MBD1: variants seen among roughly 807,000 people sequenced by gnomAD.
MBD1 encodes methyl-CpG binding domain protein 1, also known as methyl-CpG-binding domain protein 1.
A neutral mutation model predicts 82.6 loss-of-function variants in MBD1; 25 were observed. The ratio of observed to expected loss-of-function variants is 0.30; its 90% confidence interval spans 0.22 to 0.42. MBD1 has a LOEUF of 0.42. Ranked by LOEUF, MBD1 falls within the 10% of genes least tolerant of loss-of-function variation. MBD1 has a pLI of 1.00. For synonymous variants in MBD1, 301 were observed against 303.7 expected (o/e 0.99, Z 0.09); for missense variants, 627 against 819.6 (o/e 0.76, Z 2.87).
intron 1 of MBD1, chr18:50,281,140 G>C: frequency 6.5e-7 from 1 of 1,531,040 alleles, no homozygotes; most frequent in Non-Finnish European, 8.7e-7. Flanking sequence ...CTCCGTCCTC[G>C]TCCCAGGATC....
chr18:50,275,574 G>A lies in MBD1; in HGVS notation c.792+26C>T. Reference sequence around the variant, plus strand: ...AGCGACGATTTTAACAGCAGAATGAGCTCTGCTCCCTCCAGCCCAACTCAC... The same window carrying A: ...AGCGACGATTTTAACAGCAGAATGAACTCTGCTCCCTCCAGCCCAACTCAC... On this transcript the variant is annotated intron_variant, in intron 8 of 16. Transcript: ENST00000269468. 1.9e-6 allele frequency: 3 copies of A among 1,614,112 alleles called. No individual in the cohort carries two copies. In the South Asian group the frequency reaches 3.3e-5, roughly 18 times the overall value.
intron 10 of MBD1, 152 bp from the exon 11 acceptor site, chr18:50,274,505 T>C (rs954736644): frequency 2.4e-5 from 19 of 805,756 alleles, no homozygotes; most frequent in Non-Finnish European, 3.7e-5. Flanking sequence ...CACTAGTCAC[T>C]CCTCAGCATT....
At position 50,268,895 on chromosome 18, in the gene MBD1, G is replaced by A; in HGVS notation, c.*956C>T. 1.0e-6 allele frequency: 1 copy of A among 983,242 alleles called. No individual in the cohort carries two copies. Among genetic ancestry groups the A allele is most frequent in the Non-Finnish European group, 1.2e-6 (1 of 827,930 alleles). The allele number at this position is 983,242 out of a possible 1,614,324, so 60.9% of individuals were successfully genotyped here. On this transcript the variant is annotated 3_prime_UTR_variant, in exon 17 of 17. Coordinates refer to ENST00000269468, the MANE Select transcript of MBD1 (RefSeq NM_015846.4). Reference sequence around the variant, plus strand: ...AATAATTTTAAAATAGAACAGCTTAGAGATAGAAACTAAATTATTTCCAAT... The same window carrying A: ...AATAATTTTAAAATAGAACAGCTTAAAGATAGAAACTAAATTATTTCCAAT...
chr18:50,272,457 C>A (rs943299796), intron 15 of MBD1: 7 of 608,560 alleles, frequency 1.2e-5, no homozygotes, highest in East Asian at 2.8e-5. Context: ...TTCCCCTACC[C>A]CCAAAGGAGA....
intron 16 of MBD1, chr18:50,270,128 G>A: frequency 6.3e-7 from 1 of 1,598,374 alleles, no homozygotes; most frequent in Non-Finnish European, 8.5e-7. Flanking sequence ...GTCTTGACTA[G>A]GGCTGAACTA....
At chr18:50,268,599 G>A (rs542095749), downstream of MBD1, among the ~76,000 whole-genome samples, 89 of 152,370 alleles carry the variant, frequency 5.8e-4, no homozygotes, top group African/African-American at 2.1e-3. Context: ...GGGAACTACG[G>A]GCTTTCTCGC....
intron 13 of MBD1, 167 bp downstream of exon 13, chr18:50,273,167 T>C (rs2036327339): frequency 1.4e-5 from 17 of 1,240,738 alleles, no homozygotes; most frequent in Non-Finnish European, 1.8e-5. Flanking sequence ...GCAAAGCTAG[T>C]TGCCTGTGGG....
intron 10 of MBD1, 79 bp downstream of exon 10, chr18:50,274,898 C>A: frequency 6.9e-7 from 1 of 1,449,340 alleles, no homozygotes; most frequent in East Asian, 2.3e-5. Context: ...CCAATAGGCT[C>A]ATTCCAGCAT....
intron 16 of MBD1, chr18:50,270,299 A>T: frequency 1.3e-6 from 1 of 794,432 alleles, no homozygotes; most frequent in Non-Finnish European, 2.2e-6. Context: ...TTAAGGAGGC[A>T]CTCACTCAGT....
Position 50,277,011 on chromosome 18 carries a change from G to A in MBD1, c.226-13C>T. On this transcript the variant is annotated splice_polypyrimidine_tract_variant and intron_variant, in intron 3 of 16. Coordinates refer to ENST00000269468, the MANE Select transcript of MBD1 (RefSeq NM_015846.4). ...CCACGGGATGGGCCTGGAAAGTAAG[G>A]GAAGGAGGAATATGGGTCAGTGGTT... The A allele has an allele frequency of 6.2e-7, 1 of 1,614,234 alleles. No individual in the cohort carries two copies. Among genetic ancestry groups the A allele is most frequent in the Non-Finnish European group, 8.5e-7 (1 of 1,180,042 alleles).
chr18:50,280,051 G>C (rs564391135), intron 1 of MBD1, 34 bp from the exon 2 acceptor site: 4 of 1,570,092 alleles, frequency 2.5e-6, no homozygotes, highest in African/African-American at 2.7e-5. Flanking sequence ...GGGAAACTGA[G>C]GCTCTAGGAA....
intron 2 of MBD1, among the ~76,000 whole-genome samples, chr18:50,278,386 ATCTGTAACCCAGGAGTCTTACC>A (rs1439466579): frequency 3.8e-4 from 58 of 152,214 alleles, no homozygotes; most frequent in African/African-American, 1.4e-3. Context: ...ACTGTCTTTG[ATCTGTAACCCAGGAGTCTTACC>A]CCTCCTACCA....
chr18:50,281,365 G>T lies in MBD1; in HGVS notation c.-28C>A. ...GTCCAGCCCCAAGGCTGTCTCACCA[G>T]TTTGGCACCAGGCCGGTATCTTCCG... is the stretch of plus-strand genomic sequence containing the variant. On this transcript the variant is annotated splice_region_variant and 5_prime_UTR_variant, in exon 1 of 17. It adds an upstream start codon to the 5' untranslated region. Coordinates refer to ENST00000269468, the MANE Select transcript of MBD1 (RefSeq NM_015846.4). 1 of 810,950 alleles carries T rather than the reference G, an allele frequency of 1.2e-6. No individual in the cohort carries two copies. Among genetic ancestry groups the T allele is most frequent in the South Asian group, 1.6e-5 (1 of 63,802 alleles). The allele number at this position is 810,950 out of a possible 1,614,324, so 50.2% of individuals were successfully genotyped here. A position where few individuals can be genotyped will look rare whatever the true frequency, so the allele number is the denominator to read the frequency against.
rs918406975 is a variant in MBD1, at chr18:50,269,365, G to A, written c.*486C>T. The A allele has an allele frequency of 1.8e-5, 23 of 1,312,330 alleles. No homozygotes were observed. Among genetic ancestry groups the A allele is most frequent in the Admixed American group, 3.1e-5 (1 of 32,624 alleles). 81.3% of individuals were successfully genotyped at this position (1,312,330 alleles called of 1,614,324 possible). On this transcript the variant is annotated 3_prime_UTR_variant, in exon 17 of 17. Transcript: ENST00000269468. ...TCACCTTGGTGAGGCTATGTTTCCC[G>A]GAACTCTCTTCCAGTAAGATGGGCC...
chr18:50,271,616 C>T, intron 15 of MBD1, 76 bp from the exon 16 acceptor site: 1 of 1,497,194 alleles, frequency 6.7e-7, no homozygotes, highest in Non-Finnish European at 9.3e-7. Context: ...AAACCATTTC[C>T]TACTATTCTG....
At chr18:50,268,342 G>A (rs2034195977), downstream of MBD1, among the ~76,000 whole-genome samples, 1 of 152,252 alleles carries the variant, frequency 6.6e-6, no homozygotes, top group African/African-American at 2.4e-5. Flanking sequence ...GACCCTTGGC[G>A]ACACCCGGCC....
rs1300660233 is a variant in MBD1, at chr18:50,270,923, C to T, written c.*32+546G>A. On this transcript the variant is annotated intron_variant, in intron 16 of 16. Coordinates refer to ENST00000269468, the MANE Select transcript of MBD1 (RefSeq NM_015846.4). The stretch of plus-strand genomic sequence containing the variant: ...GGCTCTACTAACACCAGCTGTTCGA[C>T]ATTGGACAAATTAATGAGTCTCAGT... The T allele has an allele frequency of 5.2e-6, 3 of 575,090 alleles. No homozygotes were observed. The Admixed American group carries it at 1.6e-4, about 31-fold the overall frequency. The allele number at this position is 575,090 out of a possible 1,614,324, so 35.6% of individuals were successfully genotyped here. A position where few individuals can be genotyped will look rare whatever the true frequency, so the allele number is the denominator to read the frequency against.
chr18:50,267,721 T>C (rs1599145432), downstream of MBD1: 1 of 1,190,810 alleles, frequency 8.4e-7, no homozygotes, highest in Non-Finnish European at 1.2e-6. Context: ...GGGGTGAGCA[T>C]AGAACACTTG....
chr18:50,276,983 C>G lies in MBD1; in HGVS notation c.241G>C (p.Val81Leu), dbSNP rs770877581. Residue 81 changes from valine (V) to leucine (L), a missense_variant, in exon 4 of 17, where the codon GTT (valine) becomes CTT (leucine). Around this residue, in one of 6 missense-constraint regions of MBD1, gnomAD observed 75 missense variants for 74.7 expected, o/e 1.00. Transcript: ENST00000269468. ...GGCTTCTTTCGCTTCTTGCTGGCAA[C>G]CGCCACGGGATGGGCCTGGAAAGTA... ...YPAPKAHPVA[V>L]ASKKRKKPSR... 1.2e-6 allele frequency: 2 copies of G among 1,614,222 alleles called. No individual in the cohort carries two copies. Among genetic ancestry groups the G allele is most frequent in the South Asian group, 1.1e-5 (1 of 91,086 alleles).
Sources: allele counts gnomAD v4.1 joint callset (sites outside exome capture counted in the v4.1 genomes callset), GRCh38; gene constraint gnomAD v4.1.1; regional missense constraint gnomAD v4.1.1; transcripts MANE v1.5; gene names NCBI Gene and HGNC (gene_info 2026-07-23, HGNC 2026-07-21).